The following BMAL1 variants were observed in gnomAD, a reference collection of about 807,000 sequenced individuals.
The protein encoded by BMAL1 is basic helix-loop-helix ARNT like 1.
the BMAL1 span, among the ~76,000 whole-genome samples, chr11:13,282,856 A>G: frequency 6.6e-6 from 1 of 152,172 alleles, no homozygotes; most frequent in African/African-American, 2.4e-5. Context: ...TCCAATGCAC[A>G]TTGATCTTGT....
the BMAL1 span, among the ~76,000 whole-genome samples, chr11:13,374,714 T>TA: frequency 1.6e-4 from 25 of 152,204 alleles, no homozygotes; most frequent in African/African-American, 9.7e-5. Context: ...AGACCTGTGA[T>TA]AGACTTCTCA....
At chr11:13,344,552 G>A in the BMAL1 span, among the ~76,000 whole-genome samples, 1 of 152,248 alleles carries the variant, frequency 6.6e-6, no homozygotes, top group Non-Finnish European at 1.5e-5. Context: ...GCTTCTGCTA[G>A]GGGCTAGAGA....
chr11:13,375,591 A>C, the BMAL1 span: 1 of 1,543,136 alleles, frequency 6.5e-7, no homozygotes, highest in Non-Finnish European at 8.7e-7. Flanking sequence ...AACAATGTCC[A>C]TGTTTTCTTT....
the BMAL1 span, chr11:13,354,340 C>T: frequency 1.2e-6 from 2 of 1,613,242 alleles, no homozygotes; most frequent in Non-Finnish European, 1.7e-6. Context: ...ATTTCTTCAA[C>T]CATCAGTGAT....
chr11:13,294,407 C>CAAT, the BMAL1 span, among the ~76,000 whole-genome samples: 145,103 of 152,236 alleles, frequency 0.95, 69,255 homozygotes, highest in East Asian at 1. Flanking sequence ...TATTTTTCAA[C>CAAT]GAGTGTGAAT....
At chr11:13,355,046 A>G in the BMAL1 span, 2 of 503,716 alleles carry the variant, frequency 4.0e-6, no homozygotes, top group African/African-American at 1.9e-5. Context: ...CATCCCTTCT[A>G]TATATGTACA....
At chr11:13,374,619 T>C in the BMAL1 span, among the ~76,000 whole-genome samples, 60,561 of 151,982 alleles carry the variant, frequency 0.4, 14,359 homozygotes, top group Middle Eastern at 0.59. Flanking sequence ...CAGATCCTGT[T>C]CATTCACCTC....
the BMAL1 span, among the ~76,000 whole-genome samples, chr11:13,355,712 A>G: frequency 1.3e-5 from 2 of 152,082 alleles, no homozygotes; most frequent in Admixed American, 1.3e-4. Flanking sequence ...GGGAGAGGGG[A>G]GTTTTTGTCC....
chr11:13,285,222 A>G, the BMAL1 span, among the ~76,000 whole-genome samples: 13 of 152,110 alleles, frequency 8.5e-5, no homozygotes, highest in African/African-American at 2.9e-4. Context: ...CAGGATGGCC[A>G]GTTGTCTCAT....
At chr11:13,353,186 A>T in the BMAL1 span, 5 of 152,404 alleles carry the variant, frequency 3.3e-5, no homozygotes, top group Admixed American at 3.3e-4. Context: ...GCTTTCTTAC[A>T]GTGTTTACAA....
At chr11:13,340,134 A>G in the BMAL1 span, among the ~76,000 whole-genome samples, 161 of 152,342 alleles carry the variant, frequency 1.1e-3, 1 homozygote, top group African/African-American at 3.5e-3. Flanking sequence ...TGGGTTCTCA[A>G]TAAACTGTGT....
At chr11:13,359,483 A>C in the BMAL1 span, among the ~76,000 whole-genome samples, 1 of 152,250 alleles carries the variant, frequency 6.6e-6, no homozygotes, top group African/African-American at 2.4e-5. Flanking sequence ...TAGCAAAGAT[A>C]ACATGGGTTA....
the BMAL1 span, among the ~76,000 whole-genome samples, chr11:13,288,441 G>A: frequency 7.5e-5 from 1 of 13,328 alleles, no homozygotes; most frequent in Admixed American, 7.1e-4. Flanking sequence ...TTTTTTTTGT[G>A]ATGGACACTG....
chr11:13,301,333 A>G, the BMAL1 span, among the ~76,000 whole-genome samples: 4,733 of 152,312 alleles, frequency 0.031, 217 homozygotes, highest in African/African-American at 0.11. Flanking sequence ...TTTACACTAT[A>G]TAAGGTTGCA....
chr11:13,336,032 C>A, the BMAL1 span, among the ~76,000 whole-genome samples: 1 of 152,170 alleles, frequency 6.6e-6, no homozygotes, highest in Non-Finnish European at 1.5e-5. Context: ...CATGCATGCA[C>A]ATGCTTACAA....
chr11:13,336,729 G>A, the BMAL1 span, among the ~76,000 whole-genome samples: 4 of 152,190 alleles, frequency 2.6e-5, no homozygotes, highest in Admixed American at 6.5e-5. Context: ...ATAGCCAGGC[G>A]TTCAGAACTG....
the BMAL1 span, among the ~76,000 whole-genome samples, chr11:13,310,323 G>A: frequency 6.6e-6 from 1 of 152,164 alleles, no homozygotes; most frequent in Non-Finnish European, 1.5e-5. Context: ...GAGAGGTGGA[G>A]CTTTGGCTCT....
the BMAL1 span, among the ~76,000 whole-genome samples, chr11:13,330,296 TG>T: frequency 6.6e-6 from 1 of 152,170 alleles, no homozygotes; most frequent in Admixed American, 6.5e-5. Context: ...TGAGTGTCTG[TG>T]GGTGTTTACA....
At chr11:13,346,406 G>T in the BMAL1 span, among the ~76,000 whole-genome samples, 1 of 152,292 alleles carries the variant, frequency 6.6e-6, no homozygotes, top group South Asian at 2.1e-4. Context: ...CTGAACTGGG[G>T]GTCTTGGATG....
Sources: gnomAD v4.1 joint callset for allele counts (sites outside exome capture counted in the v4.1 genomes callset) on GRCh38, gnomAD v4.1.1 for gene constraint, MANE v1.5 for transcripts, NCBI Gene and HGNC (gene_info 2026-07-23, HGNC 2026-07-21) for gene names.